CUL9: variants seen among roughly 807,000 people sequenced by gnomAD.
The protein encoded by CUL9 is cullin 9.
In CUL9, 79 loss-of-function variants were observed where a neutral mutation model predicts 272.6. The observed-to-expected ratio is 0.29, with a 90% CI of 0.24 to 0.35. CUL9 has a LOEUF of 0.35. CUL9 is among the 10% of genes least tolerant of loss of function. The pLI is 1.00. For synonymous variants in CUL9, 1,186 were observed against 1,286.5 expected (o/e 0.92, Z 1.67); for missense variants, 2,532 against 3,255.6 (o/e 0.78, Z 5.41).
At chr6:43,187,596 A>C (rs1442763048) in intron 6 of CUL9, 117 bp from the exon 7 acceptor site, 7 of 1,341,004 alleles carry the variant, frequency 5.2e-6, no homozygotes, top group African/African-American at 1.5e-5. Context: ...AAGTGCTGTG[A>C]GGGTCTAGTA....
chr6:43,204,251 C>A lies in CUL9; in HGVS notation c.4160-109C>A, dbSNP rs939511221. 66 of 1,350,560 alleles carry A rather than the reference C, an allele frequency of 4.9e-5. No homozygotes were observed. In the Admixed American group the frequency reaches 5.1e-4, roughly 10 times the overall value. 83.7% of individuals were successfully genotyped at this position (1,350,560 alleles called of 1,614,324 possible). A position where few individuals can be genotyped will look rare whatever the true frequency, so the allele number is the denominator to read the frequency against. Reference sequence around the variant, plus strand: ...CTTGGTGAGGGGAGGACTAGGGCCCCACTACCCCTCAAGCCTTTTTGTACA... The same window carrying A: ...CTTGGTGAGGGGAGGACTAGGGCCCAACTACCCCTCAAGCCTTTTTGTACA... On this transcript the variant is annotated intron_variant, in intron 20 of 40. Coordinates refer to ENST00000252050, the MANE Select transcript of CUL9 (RefSeq NM_015089.4).
Position 43,224,045 on chromosome 6 carries a change from A to T in CUL9, c.7285-50A>T. ...TCAGTGGAAGGAATGCTGGGTCCAAAGGCCCCATGCCCTCTACCTCCTTCT... is the reference window on the plus strand; with the variant it reads ...TCAGTGGAAGGAATGCTGGGTCCAATGGCCCCATGCCCTCTACCTCCTTCT... On this transcript the variant is annotated intron_variant, in intron 39 of 40. Coordinates refer to ENST00000252050, the MANE Select transcript of CUL9 (RefSeq NM_015089.4). The surrounding 1 kb of genome is among the most constrained non-coding windows in gnomAD (Gnocchi z 4.2). 6.4e-7 allele frequency: 1 copy of T among 1,562,638 alleles called. No homozygotes were observed. The highest frequency in any genetic ancestry group is 8.8e-7 in the Non-Finnish European group (1 of 1,133,252).
rs887936919 is a variant in CUL9, at chr6:43,184,149, A to G, written c.-9-153A>G. On this transcript the variant is annotated intron_variant, in intron 1 of 40. Coordinates refer to ENST00000252050, the MANE Select transcript of CUL9 (RefSeq NM_015089.4). The surrounding 1 kb of genome is among the most constrained non-coding windows in gnomAD (Gnocchi z 4.8). ...CAAAGTATGTTCAGCTATTTATTCC[A>G]TCCTATTTTTTGCCTTTTCTGTTTG... Among the ~76,000 whole-genome samples the G allele has an allele frequency of 6.6e-6, 1 of 151,776 alleles. No homozygotes were observed. The highest frequency in any genetic ancestry group is 1.5e-5 in the Non-Finnish European group (1 of 67,982).
chr6:43,190,337 C>T (rs1773345387), intron 8 of CUL9, among the ~76,000 whole-genome samples: 1 of 151,150 alleles, frequency 6.6e-6, no homozygotes, highest in Admixed American at 6.6e-5. Flanking sequence ...TTATCCTTTG[C>T]CCACTTTTTA....
chr6:43,205,949 G>C, intron 24 of CUL9, 58 bp from the exon 25 acceptor site: 1 of 1,490,638 alleles, frequency 6.7e-7, no homozygotes. Context: ...TCTCGAGGGG[G>C]AGGCTGGGCC....
At position 43,213,340 on chromosome 6, in the gene CUL9, T is replaced by C; in HGVS notation, c.5358+46T>C. 6.2e-7 allele frequency: 1 copy of C among 1,611,898 alleles called. No homozygotes were observed. The stretch of plus-strand genomic sequence containing the variant: ...TCTCTGCCTTCTCTGCTACCTTATC[T>C]GTCGCTGTTCTCCTCCTAAACCCTG... On this transcript the variant is annotated intron_variant, in intron 27 of 40. Transcript: ENST00000252050. The surrounding 1 kb of genome is among the most constrained non-coding windows in gnomAD (Gnocchi z 5.7).
intron 12 of CUL9, 39 bp downstream of exon 12, chr6:43,198,894 G>T: frequency 6.3e-7 from 1 of 1,593,744 alleles, no homozygotes. Context: ...TGGGACGAGG[G>T]AAACTGGCAG....
chr6:43,196,011 A>C (rs2150556432), intron 9 of CUL9, 58 bp from the exon 10 acceptor site: 1 of 1,471,532 alleles, frequency 6.8e-7, no homozygotes, highest in Non-Finnish European at 9.4e-7. Flanking sequence ...AATGAGGCCT[A>C]CCTTTCCTCA....
At chr6:43,198,558 A>G in intron 11 of CUL9, 51 bp from the exon 12 acceptor site, 1 of 1,590,354 alleles carries the variant, frequency 6.3e-7, no homozygotes. Flanking sequence ...AGTTTGACAA[A>G]CTGGTAAGAC....
chr6:43,198,336 A>G (rs767031274), intron 11 of CUL9: 18 of 974,138 alleles, frequency 1.8e-5, no homozygotes, highest in Middle Eastern at 5.3e-4. Flanking sequence ...AATATTTACT[A>G]TAACTAACAT....
rs554616638 is a variant in CUL9, at chr6:43,206,140, C to G, written c.4927C>G (p.Leu1643Val). The G allele has an allele frequency of 4.3e-6, 7 of 1,614,170 alleles. No homozygotes were observed. In the South Asian group the frequency reaches 7.7e-5, roughly 18 times the overall value. ...GCAGAGCCTGAGCACCTCTGAGGAG[C>G]TGCAGCGCCAGTTCCACCTCTTCCA... is the stretch of plus-strand genomic sequence containing the variant. ...MLQSLSTSEE[L>V]QRQFHLFQLQ... Residue 1643 changes from leucine to valine, a missense_variant, in exon 25 of 41, where the codon CTG (leucine) becomes GTG (valine). Coordinates refer to ENST00000252050, the MANE Select transcript of CUL9 (RefSeq NM_015089.4). The surrounding 1 kb of genome is among the most constrained non-coding windows in gnomAD (Gnocchi z 4.8).
chr6:43,198,709 G>A lies in CUL9; in HGVS notation c.2904G>A (p.Glu968=). ...GPSAELLLDL[E]RVLCREGSPG... ...CTGCAGAACTACTCCTGGACTTGGA[G>A]CGTGTGCTGTGCCGTGAGGGCAGCC... Residue 968 remains glutamate, a synonymous_variant, in exon 12 of 41, where the codon GAG becomes GAA. Transcript: ENST00000252050. The A allele has an allele frequency of 1.2e-6, 2 of 1,614,198 alleles. No individual in the cohort carries two copies. Among genetic ancestry groups the A allele is most frequent in the Non-Finnish European group, 1.7e-6 (2 of 1,180,018 alleles).
Position 43,198,638 on chromosome 6 carries a change from G to A in CUL9, c.2833G>A (p.Asp945Asn), listed in dbSNP as rs1774228242. ...ALETPIIQGQ[D>N]GSPELLIRSL... is the part of the protein sequence containing the mutation. ...AGAGACCCCCATCATCCAGGGTCAG[G>A]ATGGGTCCCCTGAGCTACTGATTCG... is the stretch of plus-strand genomic sequence containing the variant. Residue 945 changes from aspartate (D) to asparagine (N), a missense_variant, in exon 12 of 41, where the codon GAT becomes AAT. Asp to Asn is a conservative substitution (Grantham distance 23). This residue lies in a region of CUL9 where 2,218 missense variants were observed against 2,788.6 expected (regional missense o/e 0.80). Transcript: ENST00000252050. 6.2e-7 allele frequency: 1 copy of A among 1,614,064 alleles called. No homozygotes were observed. The highest frequency in any genetic ancestry group is 8.5e-7 in the Non-Finnish European group (1 of 1,180,038).
intron 20 of CUL9, 39 bp downstream of exon 20, chr6:43,204,026 T>C: frequency 3.9e-6 from 6 of 1,552,144 alleles, no homozygotes; most frequent in Non-Finnish European, 5.2e-6. Flanking sequence ...ACCAGTTCCT[T>C]GTCCTTATTC....
At position 43,221,655 on chromosome 6, in the gene CUL9, G is replaced by A. The variant is rs1168443861; in HGVS notation, c.6753-30G>A. 6.2e-7 allele frequency: 1 copy of A among 1,602,222 alleles called. No homozygotes were observed. ...CTGGCACACCCCTGCCCAGAGGCAG[G>A]AGTCCCTGACCAGCCAGCTTCCTCC... On this transcript the variant is annotated intron_variant, in intron 34 of 40. Coordinates refer to ENST00000252050, the MANE Select transcript of CUL9 (RefSeq NM_015089.4). The surrounding 1 kb of genome is among the most constrained non-coding windows in gnomAD (Gnocchi z 4.2).
chr6:43,209,596 C>A (rs1204718754), intron 26 of CUL9, among the ~76,000 whole-genome samples: 1 of 152,168 alleles, frequency 6.6e-6, no homozygotes, highest in Non-Finnish European at 1.5e-5. Context: ...TCCTTTCTTT[C>A]TTTGTCTTTT....
chr6:43,217,943 A>G (rs1184851660), intron 31 of CUL9, among the ~76,000 whole-genome samples: 2 of 152,122 alleles, frequency 1.3e-5, no homozygotes, highest in East Asian at 1.9e-4. Context: ...TACTAGTTCT[A>G]TGAGGTAGGT....
At chr6:43,197,752 G>C (rs1055363912) in intron 11 of CUL9, among the ~76,000 whole-genome samples, 2 of 152,224 alleles carry the variant, frequency 1.3e-5, no homozygotes, top group African/African-American at 4.8e-5. Context: ...AAAGTGCTGG[G>C]ATTAGAGGCG....
intron 11 of CUL9, 126 bp downstream of exon 11, chr6:43,196,988 G>A: frequency 1.3e-6 from 1 of 750,978 alleles, no homozygotes. Context: ...CTCAAGTTAG[G>A]TCTTAAGTAG....
Sources: gnomAD v4.1 joint callset for allele counts (sites outside exome capture counted in the v4.1 genomes callset) on GRCh38, gnomAD v4.1.1 for gene constraint, gnomAD v4.1.1 regional missense constraint, Gnocchi (gnomAD v3.1) non-coding constraint, MANE v1.5 for transcripts, NCBI Gene and HGNC (gene_info 2026-07-23, HGNC 2026-07-21) for gene names.